The following KCNA7 variants were observed in gnomAD, a reference collection of about 807,000 sequenced individuals.
KCNA7 encodes the protein potassium channel, voltage gated shaker related subfamily A, member 7.
KCNA7 carries 15 observed loss-of-function variants against 21.5 expected under a neutral mutation model. That is an observed-to-expected ratio of 0.70 (90% CI 0.47 to 1.07). The LOEUF (loss-of-function observed/expected upper bound fraction) is 1.07. Ranked by LOEUF, KCNA7 falls within the 50% of genes least tolerant of loss-of-function variation. The pLI is 0.00. For missense variants in KCNA7, 640 were observed against 651.6 expected (o/e 0.98, Z 0.19); for synonymous variants, 298 against 291.0 (o/e 1.02, Z -0.24).
chr19:49,072,106 G>T lies in KCNA7; in HGVS notation c.480C>A (p.Phe160Leu). ...VLVILVSIVV[F>L]CLETLPDFRD... ...GGAAGTCAGGCAGCGTCTCGAGGCA[G>T]AAGACGACGATGGAGACGAGGATGA... is the stretch of plus-strand genomic sequence containing the variant. Residue 160 changes from phenylalanine (F) to leucine (L), a missense_variant, in exon 1 of 2, where the codon TTC (phenylalanine) becomes TTA (leucine). Coordinates refer to ENST00000221444, the MANE Select transcript of KCNA7 (RefSeq NM_031886.3). 2 of 1,612,320 alleles carry T rather than the reference G, an allele frequency of 1.2e-6. 1 individual carries two copies.
Position 49,070,467 on chromosome 19 carries a change from C to A in KCNA7, c.967G>T (p.Val323Leu). Residue 323 changes from valine to leucine, a missense_variant, in exon 2 of 2, where the codon GTG becomes TTG. Physicochemically the swap from Val to Leu is conservative, Grantham distance 32 (BLOSUM62 1). Coordinates refer to ENST00000221444, the MANE Select transcript of KCNA7 (RefSeq NM_031886.3). This position sits in a 1 kb window ranked among gnomAD's most constrained non-coding sequence, Gnocchi z 4.3. ...GLLIFFLFIG[V>L]VLFSSAVYFA... is the part of the protein sequence containing the mutation. Reference sequence around the variant, plus strand: ...TAGACGGCGCTGGAAAAGAGGACCACACCGATGAAGAGGAAAAAGATGAGG... The same window carrying A: ...TAGACGGCGCTGGAAAAGAGGACCAAACCGATGAAGAGGAAAAAGATGAGG... 6.2e-7 allele frequency: 1 copy of A among 1,614,102 alleles called. No individual in the cohort carries two copies. The highest frequency in any genetic ancestry group is 1.1e-5 in the South Asian group (1 of 91,090).
At position 49,070,370 on chromosome 19, in the gene KCNA7, G is replaced by A; in HGVS notation, c.1064C>T (p.Thr355Ile). ...IPESFWWAVV[T>I]MTTVGYGDMA... The stretch of plus-strand genomic sequence containing the variant: ...GTCTCCATAGCCAACTGTAGTCATG[G>A]TGACTACCGCCCACCAGAAGGACTC... The change falls in exon 2 of 2, where the codon ACC becomes ATC. Residue 355 changes from threonine (T) to isoleucine (I), a missense_variant. Transcript: ENST00000221444. The surrounding 1 kb of genome is among the most constrained non-coding windows in gnomAD (Gnocchi z 4.3). The A allele has an allele frequency of 6.2e-7, 1 of 1,614,146 alleles. No homozygotes were observed. The highest frequency in any genetic ancestry group is 8.5e-7 in the Non-Finnish European group (1 of 1,180,042).
At position 49,072,354 on chromosome 19, in the gene KCNA7, G is replaced by T; in HGVS notation, c.232C>A (p.Leu78Met). ...AGCGGCACGTGCGCCGGCCGCCGCAGCCGCCCACCGGACTGGTAGTAGTAG... is the reference window on the plus strand; with the variant it reads ...AGCGGCACGTGCGCCGGCCGCCGCATCCGCCCACCGGACTGGTAGTAGTAG... Reference protein sequence around the residue: ...VLYYYQSGGRLRRPAHVPLDV... With the variant: ...VLYYYQSGGRMRRPAHVPLDV... The change falls in exon 1 of 2, where the codon CTG (leucine) becomes ATG (methionine). Residue 78 changes from leucine (L) to methionine (M), a missense_variant. Leu to Met is a conservative substitution (Grantham distance 15). Coordinates refer to ENST00000221444, the MANE Select transcript of KCNA7 (RefSeq NM_031886.3). The T allele has an allele frequency of 6.3e-7, 1 of 1,595,170 alleles. No homozygotes were observed.
rs1200813793 is a variant in KCNA7, at chr19:49,072,615, C to A, written c.-30G>T. On this transcript the variant is annotated 5_prime_UTR_variant, in exon 1 of 2. Transcript: ENST00000221444. ...CGCGCAGCCCCGGCGACCCGCGAACCGACGTGTGGCCCCGACGCCCGGCCC... is the reference window on the plus strand; with the variant it reads ...CGCGCAGCCCCGGCGACCCGCGAACAGACGTGTGGCCCCGACGCCCGGCCC... 1.1e-5 allele frequency: 13 copies of A among 1,174,438 alleles called. No individual in the cohort carries two copies. The highest frequency in any genetic ancestry group is 1.6e-5 in the African/African-American group (1 of 61,558). The allele number at this position is 1,174,438 out of a possible 1,614,324, so 72.8% of individuals were successfully genotyped here. A position where few individuals can be genotyped will look rare whatever the true frequency, so the allele number is the denominator to read the frequency against.
chr19:49,071,908 C>CCCTTCTT, intron 1 of KCNA7, 123 bp downstream of exon 1: 1 of 926,960 alleles, frequency 1.1e-6, no homozygotes, highest in Non-Finnish European at 1.6e-6. Flanking sequence ...CCCGCCCACC[C>CCCTTCTT]TGTCTTCGGC....
In KCNA7 at chr19:49,072,281, G is replaced by A; in HGVS notation, c.305C>T (p.Ala102Val). The change falls in exon 1 of 2, where the codon GCC (alanine) becomes GTC (valine). Residue 102 changes from alanine to valine, a missense_variant. By Grantham distance (64) the Ala-to-Val change is moderately conservative. Coordinates refer to ENST00000221444, the MANE Select transcript of KCNA7 (RefSeq NM_031886.3). ...EVAFYGLGAA[A>V]LARLREDEGC... is the part of the protein sequence containing the mutation. Reference sequence around the variant, plus strand: ...CTCGTCCTCGCGCAGGCGTGCCAGGGCCGCCGCGCCCAGCCCGTAGAAGGC... The same window carrying A: ...CTCGTCCTCGCGCAGGCGTGCCAGGACCGCCGCGCCCAGCCCGTAGAAGGC... 2 of 1,580,426 alleles carry A rather than the reference G, an allele frequency of 1.3e-6. No individual in the cohort carries two copies. The highest frequency in any genetic ancestry group is 1.7e-6 in the Non-Finnish European group (2 of 1,168,102).
rs968637240 is a variant in KCNA7, at chr19:49,069,303, C to A, written c.*760G>T. ...CAGTGGCATGACCCAACTGAACTGG[C>A]CTTACAAGGCTCATATGGTTGTACA... is the stretch of plus-strand genomic sequence containing the variant. On this transcript the variant is annotated 3_prime_UTR_variant, in exon 2 of 2. Coordinates refer to ENST00000221444, the MANE Select transcript of KCNA7 (RefSeq NM_031886.3). 11 of 152,134 alleles carry A rather than the reference C, an allele frequency of 7.2e-5. No individual in the cohort carries two copies. The highest frequency in any genetic ancestry group is 1.9e-4 in the East Asian group (1 of 5,202). The allele number at this position is 152,134 out of a possible 1,614,324, so 9.4% of individuals were successfully genotyped here.
In KCNA7 at chr19:49,072,091, C is replaced by T. The variant is rs773978360; in HGVS notation, c.495G>A (p.Leu165=). 4 of 1,611,750 alleles carry T rather than the reference C, an allele frequency of 2.5e-6. No homozygotes were observed. Among genetic ancestry groups the T allele is most frequent in the South Asian group, 2.2e-5 (2 of 91,014 alleles). ...CGTCGCGGTCGTCGCGGAAGTCAGG[C>T]AGCGTCTCGAGGCAGAAGACGACGA... The part of the protein sequence containing the change: ...VSIVVFCLET[L]PDFRDDRDGT... The change falls in exon 1 of 2, where the codon CTG becomes CTA. Residue 165 remains leucine, a synonymous_variant. Transcript: ENST00000221444.
rs2040247604 is a variant in KCNA7, at chr19:49,070,296, T to C, written c.1138A>G (p.Ile380Val). The change falls in exon 2 of 2, where the codon ATT becomes GTT. Residue 380 changes from isoleucine to valine, a missense_variant. Ile to Val is a conservative substitution (Grantham distance 29, BLOSUM62 3). Coordinates refer to ENST00000221444, the MANE Select transcript of KCNA7 (RefSeq NM_031886.3). This position sits in a 1 kb window ranked among gnomAD's most constrained non-coding sequence, Gnocchi z 4.3. The part of the protein sequence containing the change: ...GGKIVGSLCA[I>V]AGVLTISLPV... ...AGGGAAATAGTCAGCACGCCCGCAA[T>C]GGCACACAGAGAGCCCACTATCTTG... is the stretch of plus-strand genomic sequence containing the variant. The C allele has an allele frequency of 2.5e-6, 4 of 1,614,014 alleles. No homozygotes were observed. The highest frequency in any genetic ancestry group is 3.4e-6 in the Non-Finnish European group (4 of 1,180,040).
Position 49,072,030 on chromosome 19 carries a change from C to G in KCNA7, c.555+1G>C. 6.3e-7 allele frequency: 1 copy of G among 1,594,690 alleles called. No homozygotes were observed. Among genetic ancestry groups the G allele is most frequent in the Non-Finnish European group, 8.5e-7 (1 of 1,172,108 alleles). ...GTCTCCACCCACGCCCCGCCTCTCA[C>G]CGGGCCGGCTGCGGCTGCAGCAGCA... On this transcript the variant is annotated splice_donor_variant, in intron 1 of 1. Transcript: ENST00000221444. LOFTEE classifies it high-confidence loss of function.
chr19:49,068,741 G>T lies in KCNA7; in HGVS notation c.*1322C>A, dbSNP rs2040236268. 6.6e-6 allele frequency: 1 copy of T among 152,446 alleles called. No individual in the cohort carries two copies. Among genetic ancestry groups the T allele is most frequent in the African/African-American group, 2.4e-5 (1 of 41,408 alleles). 9.4% of individuals were successfully genotyped at this position (152,446 alleles called of 1,614,324 possible). On this transcript the variant is annotated 3_prime_UTR_variant, in exon 2 of 2. Transcript: ENST00000221444. ...TGAGTCTCTGTTTCTCTCCCTTTGG[G>T]TCTCTGTCTCTCTGGGTTTCCACCT...
Position 49,072,559 on chromosome 19 carries a change from G to A in KCNA7, c.27C>T (p.Cys9=), listed in dbSNP as rs1295350507. 7.4e-6 allele frequency: 10 copies of A among 1,359,600 alleles called. No individual in the cohort carries two copies. Among genetic ancestry groups the A allele is most frequent in the Admixed American group, 3.8e-5 (1 of 26,516 alleles). 84.2% of individuals were successfully genotyped at this position (1,359,600 alleles called of 1,614,324 possible). Residue 9 remains cysteine (C), a synonymous_variant, in exon 1 of 2, where the codon TGC becomes TGT. Coordinates refer to ENST00000221444, the MANE Select transcript of KCNA7 (RefSeq NM_031886.3). Reference sequence around the variant, plus strand: ...TGAGCACCAGCCGCTCGCAGCAGCCGCACGGCGGCGGGCACCGCGGCTCCA... The same window carrying A: ...TGAGCACCAGCCGCTCGCAGCAGCCACACGGCGGCGGGCACCGCGGCTCCA... MEPRCPPP[C]GCCERLVLNV...
rs1189444153 is a variant in KCNA7, at chr19:49,072,384, C to A, written c.202G>T (p.Val68Leu). ...CCACCGGACTGGTAGTAGTAGAGCA[C>A]GGCGTCGAAGCTGGGCCGGTGCCGG... ...FDRHRPSFDA[V>L]LYYYQSGGRL... Residue 68 changes from valine (V) to leucine (L), a missense_variant, in exon 1 of 2, where the codon GTG (valine) becomes TTG (leucine). Coordinates refer to ENST00000221444, the MANE Select transcript of KCNA7 (RefSeq NM_031886.3). 3 of 1,591,064 alleles carry A rather than the reference C, an allele frequency of 1.9e-6. No individual in the cohort carries two copies. Among genetic ancestry groups the A allele is most frequent in the African/African-American group, 1.4e-5 (1 of 73,164 alleles).
chr19:49,072,485 A>C lies in KCNA7; in HGVS notation c.101T>G (p.Phe34Cys), dbSNP rs2040267449. The C allele has an allele frequency of 6.5e-7, 1 of 1,534,162 alleles. No homozygotes were observed. The highest frequency in any genetic ancestry group is 1.4e-5 in the African/African-American group (1 of 70,056). Residue 34 changes from phenylalanine (F) to cysteine (C), a missense_variant, in exon 1 of 2, where the codon TTC (phenylalanine) becomes TGC (cysteine). Physicochemically the swap from Phe to Cys is radical, Grantham distance 205 (BLOSUM62 -2). Transcript: ENST00000221444. The part of the protein sequence containing the change: ...FETRARTLGR[F>C]PDTLLGDPAR... ...TGGGTCCCCTAGCAGAGTGTCCGGGAAGCGGCCCAGCGTGCGCGCCCGCGT... is the reference window on the plus strand; with the variant it reads ...TGGGTCCCCTAGCAGAGTGTCCGGGCAGCGGCCCAGCGTGCGCGCCCGCGT...
At position 49,072,559 on chromosome 19, in the gene KCNA7, G is replaced by T; in HGVS notation, c.27C>A (p.Cys9Ter). 2 of 1,359,604 alleles carry T rather than the reference G, an allele frequency of 1.5e-6. No homozygotes were observed. Among genetic ancestry groups the T allele is most frequent in the Non-Finnish European group, 1.9e-6 (2 of 1,062,354 alleles). The allele number at this position is 1,359,604 out of a possible 1,614,324, so 84.2% of individuals were successfully genotyped here. Reference protein sequence around the residue: MEPRCPPPCGCCERLVLNV... With the variant: MEPRCPPP The stretch of plus-strand genomic sequence containing the variant: ...TGAGCACCAGCCGCTCGCAGCAGCC[G>T]CACGGCGGCGGGCACCGCGGCTCCA... The change falls in exon 1 of 2, where the codon TGC (cysteine) becomes TGA (stop). Residue 9 changes from cysteine to a stop codon, truncating the protein, a stop_gained. Coordinates refer to ENST00000221444, the MANE Select transcript of KCNA7 (RefSeq NM_031886.3). LOFTEE classifies it high-confidence loss of function.
At position 49,071,552 on chromosome 19, in the gene KCNA7, T is replaced by C. The variant is rs567570243; in HGVS notation, c.555+479A>G. Among the ~76,000 whole-genome samples the C allele has an allele frequency of 4.7e-5, 7 of 148,426 alleles. No individual in the cohort carries two copies. The East Asian group carries it at 1.2e-3, about 25-fold the overall frequency. ...GCCTGGGCGACAGAGCAAGACTCTG[T>C]CTCACAGGAAATAAAAAAAAAAAGA... is the stretch of plus-strand genomic sequence containing the variant. On this transcript the variant is annotated intron_variant, in intron 1 of 1. Transcript: ENST00000221444.
rs2040269461 is a variant in KCNA7 at position 49,072,664 on chromosome 19, CTCG to C, written c.-82_-80del. The C allele has an allele frequency of 2.2e-6, 2 of 929,228 alleles. No individual in the cohort carries two copies. Among genetic ancestry groups the C allele is most frequent in the African/African-American group, 1.8e-5 (1 of 55,586 alleles). 57.6% of individuals were successfully genotyped at this position (929,228 alleles called of 1,614,324 possible). On this transcript the variant is annotated 5_prime_UTR_variant, in exon 1 of 2. Coordinates refer to ENST00000221444, the MANE Select transcript of KCNA7 (RefSeq NM_031886.3). ...CCCGGTGCGGCCCCGCCTCGGCCGC[CTCG>C]GCCGCCGCCGCCGCCGCCCCAGCCC...
In KCNA7 at chr19:49,072,648, G is replaced by GT; in HGVS notation, c.-64_-63insA. The GT allele has an allele frequency of 1.0e-6, 1 of 991,840 alleles. No individual in the cohort carries two copies. Among genetic ancestry groups the GT allele is most frequent in the African/African-American group, 1.8e-5 (1 of 56,998 alleles). The allele number at this position is 991,840 out of a possible 1,614,324, so 61.4% of individuals were successfully genotyped here. A position where few individuals can be genotyped will look rare whatever the true frequency, so the allele number is the denominator to read the frequency against. On this transcript the variant is annotated 5_prime_UTR_variant, in exon 1 of 2. Coordinates refer to ENST00000221444, the MANE Select transcript of KCNA7 (RefSeq NM_031886.3). ...GGCCCCGACGCCCGGCCCCGGTGCG[G>GT]CCCCGCCTCGGCCGCCTCGGCCGCC...
In KCNA7 at chr19:49,070,919, T is replaced by A. The variant is rs1047841409; in HGVS notation, c.556-41A>T. On this transcript the variant is annotated intron_variant, in intron 1 of 1. Coordinates refer to ENST00000221444, the MANE Select transcript of KCNA7 (RefSeq NM_031886.3). The surrounding 1 kb of genome is among the most constrained non-coding windows in gnomAD (Gnocchi z 4.3). Reference sequence around the variant, plus strand: ...TGTTCAGGGAGGGTCAGGCTGGGGCTAGGACACGGGGACAGCCTTAATCAT... The same window carrying A: ...TGTTCAGGGAGGGTCAGGCTGGGGCAAGGACACGGGGACAGCCTTAATCAT... 1.3e-6 allele frequency: 2 copies of A among 1,532,898 alleles called. No individual in the cohort carries two copies. Among genetic ancestry groups the A allele is most frequent in the African/African-American group, 2.7e-5 (2 of 73,004 alleles). 95.0% of individuals were successfully genotyped at this position (1,532,898 alleles called of 1,614,324 possible).
Sources: allele counts gnomAD v4.1 joint callset (sites outside exome capture counted in the v4.1 genomes callset), GRCh38; gene constraint gnomAD v4.1.1; non-coding constraint Gnocchi (gnomAD v3.1); transcripts MANE v1.5; gene names NCBI Gene and HGNC (gene_info 2026-07-23, HGNC 2026-07-21).